The following GUCY1B1 variants were observed in gnomAD, a reference collection of about 807,000 sequenced individuals.
GUCY1B1 encodes the protein guanylate cyclase 1 soluble subunit beta 1, also known as guanylate cyclase soluble subunit beta-1.
Under a neutral mutation model 71.0 loss-of-function variants are expected in GUCY1B1, and 43 were observed. The observed-to-expected ratio is 0.61, with a 90% CI of 0.47 to 0.78. The LOEUF (loss-of-function observed/expected upper bound fraction) is 0.78. Ranked by LOEUF, GUCY1B1 falls within the 30% of genes least tolerant of loss-of-function variation. The pLI is 0.00. For missense variants in GUCY1B1, 535 were observed against 754.1 expected, an observed-to-expected ratio of 0.71 and a Z score of 3.40; for synonymous variants, 266 against 259.7, an observed-to-expected ratio of 1.02 and a Z score of -0.23.
intron 2 of GUCY1B1, among the ~76,000 whole-genome samples, chr4:155,769,789 C>G (rs1737574468): frequency 6.6e-6 from 1 of 151,916 alleles, no homozygotes; most frequent in Admixed American, 6.6e-5. Context: ...CTCAGGGAAA[C>G]CTGTGGTTTT....
intron 4 of GUCY1B1, among the ~76,000 whole-genome samples, chr4:155,781,014 A>T (rs1272783149): frequency 1.3e-5 from 2 of 152,186 alleles, no homozygotes; most frequent in Non-Finnish European, 2.9e-5. Context: ...TAGCAAGCAG[A>T]ATTTCCTTGG....
In GUCY1B1 at chr4:155,802,435, C is replaced by G. The variant is rs1176048081; in HGVS notation, c.1269C>G (p.Leu423=). ...AAAGATATGACAATGTGACCATCCT[C>G]TTTAGTGGCATTGTGGGCTTCAATG... ...PAKRYDNVTI[L]FSGIVGFNAF... The change falls in exon 10 of 14, where the codon CTC becomes CTG. Residue 423 remains leucine, a synonymous_variant. Transcript: ENST00000264424. This position sits in a 1 kb window ranked among gnomAD's most constrained non-coding sequence, Gnocchi z 4.3. The G allele has an allele frequency of 6.2e-7, 1 of 1,613,836 alleles. No individual in the cohort carries two copies.
At chr4:155,790,683 A>AC in intron 5 of GUCY1B1, among the ~76,000 whole-genome samples, 1 of 152,218 alleles carries the variant, frequency 6.6e-6, no homozygotes, top group Non-Finnish European at 1.5e-5. Flanking sequence ...GTTTATAGAA[A>AC]ACCTATTAGA....
In GUCY1B1 at chr4:155,776,023, A is replaced by G. The variant is rs548319049; in HGVS notation, c.178+955A>G. ...GGTAAATGTTTAATATTAACAAGAA[A>G]AATATCTAGCCTCCAGCAATCAAAA... On this transcript the variant is annotated intron_variant, in intron 3 of 13. Transcript: ENST00000264424. Among the ~76,000 whole-genome samples the G allele has an allele frequency of 2.3e-3, 357 of 152,356 alleles. 3 individuals carry two copies. The highest frequency in any genetic ancestry group is 8.2e-3 in the African/African-American group (342 of 41,588).
rs758855648 is a variant in GUCY1B1, at chr4:155,802,495, C to A, written c.1329C>A (p.Ala443=). ...GCAAGCATGCATCTGGAGAAGGAGC[C>A]ATGAAGATCGTCAACCTCCTCAACG... ...FCSKHASGEG[A]MKIVNLLNDL... Residue 443 remains alanine (A), a synonymous_variant, in exon 10 of 14, where the codon GCC becomes GCA. Transcript: ENST00000264424. The surrounding 1 kb of genome is among the most constrained non-coding windows in gnomAD (Gnocchi z 4.3). The A allele has an allele frequency of 6.2e-7, 1 of 1,613,560 alleles. No homozygotes were observed. Among genetic ancestry groups the A allele is most frequent in the Admixed American group, 1.7e-5 (1 of 59,956 alleles).
chr4:155,797,957 T>C (rs958736791), intron 8 of GUCY1B1, among the ~76,000 whole-genome samples: 1 of 152,146 alleles, frequency 6.6e-6, no homozygotes, highest in African/African-American at 2.4e-5. Context: ...GATCTAAAGA[T>C]GTCCCATCTG....
At chr4:155,768,424 G>A (rs1212523559) in intron 2 of GUCY1B1, among the ~76,000 whole-genome samples, 1 of 149,252 alleles carries the variant, frequency 6.7e-6, no homozygotes, top group Non-Finnish European at 1.5e-5. Context: ...GCAAATGATG[G>A]ACTTTTGTTA....
At chr4:155,798,480 T>A (rs953279317) in intron 8 of GUCY1B1, among the ~76,000 whole-genome samples, 2 of 152,318 alleles carry the variant, frequency 1.3e-5, no homozygotes, top group Non-Finnish European at 2.9e-5. Context: ...TTTCTGCAAG[T>A]GGATTTACAT....
chr4:155,786,683 C>T (rs556246674), intron 4 of GUCY1B1, among the ~76,000 whole-genome samples: 1 of 151,884 alleles, frequency 6.6e-6, no homozygotes, highest in Admixed American at 6.6e-5. Flanking sequence ...CCGTGTTAGC[C>T]AGGATGGTCT....
intron 5 of GUCY1B1, among the ~76,000 whole-genome samples, chr4:155,793,415 A>C (rs1178957237): frequency 6.6e-6 from 1 of 152,208 alleles, no homozygotes; most frequent in East Asian, 1.9e-4. Context: ...TTGATGGTTA[A>C]AAATGACATT....
intron 5 of GUCY1B1, among the ~76,000 whole-genome samples, chr4:155,792,185 C>T (rs959938749): frequency 7.2e-5 from 11 of 151,852 alleles, no homozygotes; most frequent in African/African-American, 2.7e-4. Context: ...TCCAGAGATA[C>T]CAGACAATTT....
chr4:155,778,206 C>T (rs574855125), intron 4 of GUCY1B1, among the ~76,000 whole-genome samples: 1 of 152,136 alleles, frequency 6.6e-6, no homozygotes, highest in South Asian at 2.1e-4. Flanking sequence ...AGTCCAAAGT[C>T]AGTTTCAGGT....
chr4:155,786,467 T>C (rs1181301960), intron 4 of GUCY1B1, among the ~76,000 whole-genome samples: 15 of 105,990 alleles, frequency 1.4e-4, no homozygotes, highest in Admixed American at 2.7e-4. Context: ...CTTTCTTTTT[T>C]TTTTTTTTTT....
rs374106990 is a variant in GUCY1B1 at position 155,803,284 on chromosome 4, G to A, written c.1414-340G>A. On this transcript the variant is annotated intron_variant, in intron 10 of 13. Coordinates refer to ENST00000264424, the MANE Select transcript of GUCY1B1 (RefSeq NM_000857.5). ...ACTTGAAATGGTGGCTCTCCATGCC[G>A]TCAAGCCATCACTGTTTTAGGTAGA... Among the ~76,000 whole-genome samples the A allele has an allele frequency of 6.8e-4, 103 of 152,262 alleles. 2 individuals carry two copies. In the South Asian group the frequency reaches 0.013, roughly 20 times the overall value.
intron 4 of GUCY1B1, among the ~76,000 whole-genome samples, chr4:155,777,923 A>G (rs1183206091): frequency 6.6e-6 from 1 of 152,170 alleles, no homozygotes; most frequent in Non-Finnish European, 1.5e-5. Context: ...TGATCTGTTC[A>G]ACTGCCCTTT....
At chr4:155,778,072 C>T (rs1193486103) in intron 4 of GUCY1B1, among the ~76,000 whole-genome samples, 1 of 152,052 alleles carries the variant, frequency 6.6e-6, no homozygotes, top group Non-Finnish European at 1.5e-5. Flanking sequence ...GAAGTTCTAC[C>T]TGGAGCTCAA....
intron 13 of GUCY1B1, 68 bp downstream of exon 13, chr4:155,805,297 T>G: frequency 8.1e-7 from 1 of 1,240,188 alleles, no homozygotes; most frequent in Non-Finnish European, 1.1e-6. Context: ...TAAAGCAAAA[T>G]CACTGAAAAT....
At chr4:155,797,687 G>A (rs1323286516) in intron 8 of GUCY1B1, among the ~76,000 whole-genome samples, 12 of 150,622 alleles carry the variant, frequency 8.0e-5, no homozygotes, top group Non-Finnish European at 1.3e-4. Context: ...GCAGTGAGCC[G>A]AGATCATGCC....
intron 6 of GUCY1B1, 71 bp from the exon 7 acceptor site, chr4:155,795,270 A>G: frequency 1.4e-6 from 1 of 710,958 alleles, no homozygotes; most frequent in Non-Finnish European, 2.4e-6. Context: ...GATTTAATCA[A>G]GCGATTAATA....
Sources: gnomAD v4.1 joint callset for allele counts (sites outside exome capture counted in the v4.1 genomes callset) on GRCh38, gnomAD v4.1.1 for gene constraint, Gnocchi (gnomAD v3.1) non-coding constraint, MANE v1.5 for transcripts, NCBI Gene and HGNC (gene_info 2026-07-23, HGNC 2026-07-21) for gene names.